Variants in RALGPS1 observed in about 807,000 individuals in gnomAD.
The protein encoded by RALGPS1 is Ral GEF with PH domain and SH3 binding motif 1.
A neutral mutation model predicts 78.8 loss-of-function variants in RALGPS1; 19 were observed. The ratio of observed to expected loss-of-function variants is 0.24; its 90% confidence interval spans 0.17 to 0.35. The LOEUF (loss-of-function observed/expected upper bound fraction) is 0.35. RALGPS1 is among the 10% of genes least tolerant of loss of function. The pLI is 1.00. For synonymous variants in RALGPS1, 228 were observed against 256.3 expected (o/e 0.89, Z 1.06); for missense variants, 454 against 688.3 (o/e 0.66, Z 3.81).
At chr9:127,172,983 C>T (rs778560378) in intron 10 of RALGPS1, among the ~76,000 whole-genome samples, 12 of 152,000 alleles carry the variant, frequency 7.9e-5, no homozygotes, top group South Asian at 4.2e-4. Flanking sequence ...GGGTGTGATC[C>T]GAGGGTGGGA....
At chr9:127,174,835 C>G in intron 11 of RALGPS1, 53 bp downstream of exon 11, 1 of 1,555,614 alleles carries the variant, frequency 6.4e-7, no homozygotes, top group African/African-American at 1.4e-5. Context: ...CTAATTGTGG[C>G]TGCCAGAGTT....
Position 127,110,212 on chromosome 9 carries a change from A to G in RALGPS1, c.610+40856A>G, listed in dbSNP as rs140580115. Among the ~76,000 whole-genome samples the G allele has an allele frequency of 2.9e-3, 447 of 152,124 alleles. 3 individuals are homozygous for G. Among genetic ancestry groups the G allele is most frequent in the African/African-American group, 0.01 (426 of 41,488 alleles). Reference sequence around the variant, plus strand: ...GGCTTTGCCCGCTCCCCTTCATTCTAGGTTGCCCTAGACAGGATCCCCTGT... The same window carrying G: ...GGCTTTGCCCGCTCCCCTTCATTCTGGGTTGCCCTAGACAGGATCCCCTGT... On this transcript the variant is annotated intron_variant, in intron 8 of 18. Transcript: ENST00000259351.
intron 8 of RALGPS1, among the ~76,000 whole-genome samples, chr9:127,132,536 CCTT>C (rs2057078999): frequency 1.3e-5 from 2 of 152,220 alleles, no homozygotes; most frequent in South Asian, 4.1e-4. Flanking sequence ...CACCTCATTG[CCTT>C]TGGGTCTCCA....
intron 1 of RALGPS1, among the ~76,000 whole-genome samples, chr9:126,932,898 G>A (rs1423203565): frequency 1.3e-5 from 2 of 152,210 alleles, no homozygotes; most frequent in African/African-American, 2.4e-5. Flanking sequence ...CCACAAGAGC[G>A]GGCAGTCTGA....
chr9:127,113,812 T>C (rs1409450133), intron 8 of RALGPS1, among the ~76,000 whole-genome samples: 1 of 152,176 alleles, frequency 6.6e-6, no homozygotes, highest in Non-Finnish European at 1.5e-5. Context: ...TCCGGTGGGC[T>C]GCCTCTGAAT....
intron 8 of RALGPS1, among the ~76,000 whole-genome samples, chr9:127,105,611 G>A (rs572622533): frequency 2.6e-5 from 4 of 152,186 alleles, no homozygotes; most frequent in Non-Finnish European, 4.4e-5. Flanking sequence ...AGGGCACTTA[G>A]CACACCAGGG....
At chr9:127,193,750 G>A (rs1359252952) in intron 11 of RALGPS1, among the ~76,000 whole-genome samples, 2 of 152,148 alleles carry the variant, frequency 1.3e-5, no homozygotes, top group African/African-American at 4.8e-5. Flanking sequence ...GTCCCCCCAA[G>A]AAAGTTCTCC....
At position 127,050,144 on chromosome 9, in the gene RALGPS1, A is replaced by G. The variant is rs907077340; in HGVS notation, c.390+12A>G. ...TGAAAATAGCCAAGGTAAGCTTTTT[A>G]TTATTATTTTTCCTTCCTTTCCCTC... is the stretch of plus-strand genomic sequence containing the variant. On this transcript the variant is annotated intron_variant, in intron 6 of 18. Coordinates refer to ENST00000259351, the MANE Select transcript of RALGPS1 (RefSeq NM_014636.3). The G allele has an allele frequency of 5.7e-6, 9 of 1,589,318 alleles. No individual in the cohort carries two copies. The highest frequency in any genetic ancestry group is 7.8e-6 in the Non-Finnish European group (9 of 1,157,570).
intron 7 of RALGPS1, among the ~76,000 whole-genome samples, chr9:127,055,455 C>G (rs2048665103): frequency 1.3e-5 from 2 of 152,224 alleles, no homozygotes; most frequent in South Asian, 4.1e-4. Context: ...TGGGCTCAAG[C>G]AGTCCTCCTG....
At chr9:127,165,328 A>G (rs1408430670) in intron 8 of RALGPS1, among the ~76,000 whole-genome samples, 1 of 152,214 alleles carries the variant, frequency 6.6e-6, no homozygotes, top group Non-Finnish European at 1.5e-5. Flanking sequence ...TAGTGGCTGA[A>G]TAGCCAGCGG....
chr9:127,062,150 T>G (rs1205343938), intron 7 of RALGPS1, among the ~76,000 whole-genome samples: 1 of 152,132 alleles, frequency 6.6e-6, no homozygotes, highest in Non-Finnish European at 1.5e-5. Flanking sequence ...CAGGCTGGAG[T>G]GCAGTGGCGC....
chr9:126,989,067 T>TATC (rs918084155), intron 4 of RALGPS1, among the ~76,000 whole-genome samples: 4 of 151,902 alleles, frequency 2.6e-5, no homozygotes, highest in East Asian at 1.9e-4. Flanking sequence ...GACCCCACCT[T>TATC]ATCATCATCA....
At chr9:126,989,530 C>G (rs1446839164) in intron 4 of RALGPS1, among the ~76,000 whole-genome samples, 2 of 152,086 alleles carry the variant, frequency 1.3e-5, no homozygotes, top group Non-Finnish European at 2.9e-5. Context: ...TCCCCAGTAT[C>G]TATTCCTGGG....
chr9:127,210,134 A>G (rs1256967730), intron 14 of RALGPS1, among the ~76,000 whole-genome samples: 2 of 152,226 alleles, frequency 1.3e-5, no homozygotes. Flanking sequence ...AGGGCCGCCC[A>G]CGGAGCAAGC....
At chr9:126,999,281 C>G (rs2043067196) in intron 4 of RALGPS1, among the ~76,000 whole-genome samples, 1 of 152,078 alleles carries the variant, frequency 6.6e-6, no homozygotes, top group African/African-American at 2.4e-5. Flanking sequence ...TATCAGCGTC[C>G]TCCCCCAGAG....
intron 7 of RALGPS1, among the ~76,000 whole-genome samples, chr9:127,057,529 A>G (rs1264814263): frequency 1.3e-5 from 2 of 152,212 alleles, no homozygotes; most frequent in Admixed American, 6.5e-5. Context: ...AGGCCTGTAC[A>G]CAGTAGGCCC....
At chr9:126,919,156 A>G (rs1009629735) in intron 1 of RALGPS1, among the ~76,000 whole-genome samples, 1 of 152,216 alleles carries the variant, frequency 6.6e-6, no homozygotes. Context: ...TCATGTATCC[A>G]CTTGATTTAC....
intron 11 of RALGPS1, chr9:127,178,033 G>A: frequency 6.7e-7 from 1 of 1,502,568 alleles, no homozygotes; most frequent in African/African-American, 1.4e-5. Context: ...GGCACCCATG[G>A]GCCGGCCCAG....
At chr9:126,997,282 C>G (rs1238554081) in intron 4 of RALGPS1, among the ~76,000 whole-genome samples, 3 of 152,074 alleles carry the variant, frequency 2.0e-5, no homozygotes, top group African/African-American at 7.2e-5. Flanking sequence ...CTAGAAAACC[C>G]CATCGTCTCA....
Sources: gnomAD v4.1 joint callset for allele counts (sites outside exome capture counted in the v4.1 genomes callset) on GRCh38, gnomAD v4.1.1 for gene constraint, MANE v1.5 for transcripts, NCBI Gene and HGNC (gene_info 2026-07-23, HGNC 2026-07-21) for gene names.